Variants in SNTB1 observed in about 807,000 individuals in gnomAD.
SNTB1 encodes the protein beta-1-syntrophin.
In SNTB1, 36 loss-of-function variants were observed where a neutral mutation model predicts 48.9. The ratio of observed to expected loss-of-function variants is 0.74; its 90% CI spans 0.56 to 0.97. The LOEUF is 0.97. SNTB1 is among the 50% of genes least tolerant of loss of function. SNTB1 has a pLI of 0.00. For missense variants in SNTB1, 786 were observed against 703.4 expected (o/e 1.12, Z -1.33); for synonymous variants, 299 against 294.6 (o/e 1.01, Z -0.15).
intron 1 of SNTB1, among the ~76,000 whole-genome samples, chr8:120,749,942 T>C (rs1054165442): frequency 3.9e-5 from 6 of 152,204 alleles, no homozygotes; most frequent in Admixed American, 2.6e-4. Context: ...TTTTAAAGTT[T>C]TTGCTTTATA....
chr8:120,783,321 T>A (rs944852710), intron 1 of SNTB1, among the ~76,000 whole-genome samples: 21 of 152,180 alleles, frequency 1.4e-4, no homozygotes, highest in Admixed American at 6.5e-4. Flanking sequence ...GTTGCTTTTT[T>A]AAAATTTATA....
At chr8:120,654,959 C>T (rs760916404) in intron 2 of SNTB1, 13 of 455,954 alleles carry the variant, frequency 2.9e-5, no homozygotes, top group African/African-American at 8.0e-5. Flanking sequence ...GCAGCAACTT[C>T]GGGGAATCCA....
At chr8:120,650,052 C>T (rs1276694718) in intron 2 of SNTB1, among the ~76,000 whole-genome samples, 1 of 152,206 alleles carries the variant, frequency 6.6e-6, no homozygotes, top group Non-Finnish European at 1.5e-5. Context: ...CACCCACTGA[C>T]CTGCGCCCAC....
At chr8:120,626,284 T>C (rs1029458847) in intron 3 of SNTB1, among the ~76,000 whole-genome samples, 5 of 152,168 alleles carry the variant, frequency 3.3e-5, no homozygotes, top group African/African-American at 9.7e-5. Flanking sequence ...GATGAATAGA[T>C]AGATACAGGG....
At chr8:120,759,039 A>T (rs34459319) in intron 1 of SNTB1, among the ~76,000 whole-genome samples, 1 of 151,864 alleles carries the variant, frequency 6.6e-6, no homozygotes, top group East Asian at 1.9e-4. Context: ...CCAAAGTGCA[A>T]GGATTACAGG....
chr8:120,594,949 A>G (rs942073056), intron 3 of SNTB1, among the ~76,000 whole-genome samples: 3 of 152,022 alleles, frequency 2.0e-5, no homozygotes, highest in Admixed American at 6.6e-5. Context: ...AATAAAAAAA[A>G]TAGTTAAAAT....
intron 3 of SNTB1, among the ~76,000 whole-genome samples, chr8:120,577,165 A>G (rs896734373): frequency 2.0e-5 from 3 of 152,216 alleles, no homozygotes; most frequent in Non-Finnish European, 4.4e-5. Flanking sequence ...TCTCCCAGGA[A>G]GAACTCATTG....
intron 4 of SNTB1, among the ~76,000 whole-genome samples, chr8:120,555,797 C>T (rs146509082): frequency 3.9e-5 from 6 of 152,198 alleles, no homozygotes; most frequent in Non-Finnish European, 7.4e-5. Flanking sequence ...ATTAATCCAA[C>T]GGAACCGTGT....
At chr8:120,616,899 C>T (rs1009710099) in intron 3 of SNTB1, among the ~76,000 whole-genome samples, 1 of 152,186 alleles carries the variant, frequency 6.6e-6, no homozygotes, top group African/African-American at 2.4e-5. Context: ...GCCTGTGCTC[C>T]TCCTGAAAGG....
At chr8:120,650,925 T>G (rs905862538) in intron 2 of SNTB1, among the ~76,000 whole-genome samples, 2 of 152,232 alleles carry the variant, frequency 1.3e-5, no homozygotes, top group African/African-American at 4.8e-5. Context: ...ATTGGCTTTA[T>G]GACTTATTGG....
intron 3 of SNTB1, among the ~76,000 whole-genome samples, chr8:120,578,965 T>C (rs1815994799): frequency 6.6e-6 from 1 of 151,746 alleles, no homozygotes. Flanking sequence ...TCACCTGAGG[T>C]TGGGAGTTTG....
intron 2 of SNTB1, among the ~76,000 whole-genome samples, chr8:120,662,781 C>G (rs1817611747): frequency 6.6e-6 from 1 of 152,102 alleles, no homozygotes; most frequent in Non-Finnish European, 1.5e-5. Context: ...GGCCTGAAAG[C>G]AAGACTTAAA....
At chr8:120,633,719 A>AGT (rs1817022596) in intron 2 of SNTB1, among the ~76,000 whole-genome samples, 1 of 152,202 alleles carries the variant, frequency 6.6e-6, no homozygotes, top group South Asian at 2.1e-4. Context: ...TGTATACTGT[A>AGT]ATTGTGGTAA....
chr8:120,666,051 T>C (rs760157363), intron 2 of SNTB1, among the ~76,000 whole-genome samples: 1 of 152,220 alleles, frequency 6.6e-6, no homozygotes, highest in Non-Finnish European at 1.5e-5. Flanking sequence ...GAGTCCCTTG[T>C]ATTTCTATAT....
At chr8:120,705,911 T>A (rs578015826) in intron 1 of SNTB1, among the ~76,000 whole-genome samples, 1 of 152,272 alleles carries the variant, frequency 6.6e-6, no homozygotes, top group African/African-American at 2.4e-5. Context: ...AATGTAGTGG[T>A]TTAAAATATG....
chr8:120,599,490 A>C (rs1270731023), intron 3 of SNTB1, among the ~76,000 whole-genome samples: 4 of 152,204 alleles, frequency 2.6e-5, no homozygotes, highest in Admixed American at 2.6e-4. Context: ...CTCATTTCAA[A>C]ATAAATCTGA....
chr8:120,644,842 A>C (rs906467650), intron 2 of SNTB1, among the ~76,000 whole-genome samples: 13 of 151,772 alleles, frequency 8.6e-5, no homozygotes, highest in African/African-American at 2.9e-4. Flanking sequence ...CTGACTTTTT[A>C]ATGATTGCCA....
intron 1 of SNTB1, among the ~76,000 whole-genome samples, chr8:120,728,972 G>A (rs1406778233): frequency 6.6e-6 from 1 of 150,386 alleles, no homozygotes; most frequent in East Asian, 2.0e-4. Context: ...TCCAGCATCT[G>A]TTGTTTACTG....
intron 1 of SNTB1, among the ~76,000 whole-genome samples, chr8:120,732,063 G>A (rs1045041165): frequency 7.9e-5 from 12 of 152,172 alleles, no homozygotes; most frequent in Non-Finnish European, 1.6e-4. Context: ...ATGAGGGTAT[G>A]AAAATTAAAA....
Sources: allele counts gnomAD v4.1 joint callset (sites outside exome capture counted in the v4.1 genomes callset), GRCh38; gene constraint gnomAD v4.1.1; transcripts MANE v1.5; gene names NCBI Gene and HGNC (gene_info 2026-07-23, HGNC 2026-07-21).